PRKG1: variants seen among roughly 807,000 people sequenced by gnomAD.
PRKG1 encodes the protein cGMP-dependent protein kinase 1.
PRKG1 carries 35 observed loss-of-function variants against 88.1 expected under a neutral mutation model. The observed-to-expected ratio is 0.40, with a 90% CI of 0.30 to 0.53. The LOEUF is 0.53. Ranked by LOEUF, PRKG1 falls within the 20% of genes least tolerant of loss-of-function variation. The pLI is 0.59. For synonymous variants in PRKG1, 303 were observed against 292.5 expected (o/e 1.04, Z -0.37); for missense variants, 540 against 839.8 (o/e 0.64, Z 4.41).
At chr10:51,469,670 CTT>C (rs1368477264) in intron 3 of PRKG1, among the ~76,000 whole-genome samples, 1 of 151,828 alleles carries the variant, frequency 6.6e-6, no homozygotes, top group African/African-American at 2.4e-5. Flanking sequence ...AAGCCTAACT[CTT>C]TTGGGGTCAG....
chr10:51,337,770 G>A (rs546642825), intron 2 of PRKG1, among the ~76,000 whole-genome samples: 3 of 152,236 alleles, frequency 2.0e-5, no homozygotes, highest in African/African-American at 4.8e-5. Context: ...GTGAGGTTGC[G>A]GAGAAATAGG....
At chr10:51,227,188 A>ATG (rs1347466844) in intron 2 of PRKG1, among the ~76,000 whole-genome samples, 8 of 150,774 alleles carry the variant, frequency 5.3e-5, no homozygotes, top group African/African-American at 1.9e-4. Context: ...ATATATATAT[A>ATG]TGTGTCTATA....
intron 3 of PRKG1, among the ~76,000 whole-genome samples, chr10:51,615,606 C>T (rs887069500): frequency 3.6e-5 from 5 of 138,110 alleles, no homozygotes; most frequent in African/African-American, 1.1e-4. Flanking sequence ...ATTTTTGAAA[C>T]TTTCAATCTA....
chr10:51,932,437 C>T (rs1046466763), intron 5 of PRKG1, among the ~76,000 whole-genome samples: 2 of 152,108 alleles, frequency 1.3e-5, no homozygotes, highest in African/African-American at 2.4e-5. Flanking sequence ...CTTTGGACAA[C>T]TCTATGAAGT....
At chr10:52,014,129 A>C (rs2133176597) in intron 5 of PRKG1, among the ~76,000 whole-genome samples, 1 of 152,306 alleles carries the variant, frequency 6.6e-6, no homozygotes, top group African/African-American at 2.4e-5. Flanking sequence ...AGTTTCAAGA[A>C]GAAGAGGTAT....
chr10:52,044,723 T>A (rs1021044709), intron 5 of PRKG1, among the ~76,000 whole-genome samples: 7 of 152,188 alleles, frequency 4.6e-5, no homozygotes, highest in African/African-American at 1.4e-4. Context: ...TTCCATTTTT[T>A]TAAAATGCTG....
intron 3 of PRKG1, among the ~76,000 whole-genome samples, chr10:51,603,849 A>G (rs1838681919): frequency 6.6e-6 from 1 of 152,142 alleles, no homozygotes; most frequent in Admixed American, 6.5e-5. Context: ...GGAGGAGGTG[A>G]CATGAAGTTT....
chr10:51,451,381 C>T lies in PRKG1; in HGVS notation c.479-16342C>T, dbSNP rs554390144. On this transcript the variant is annotated intron_variant, in intron 2 of 17. Coordinates refer to ENST00000373980, the MANE Select transcript of PRKG1 (RefSeq NM_006258.4). ...TTCAACTAGAGGTTAGTAAAAATAA[C>T]GATGTATATATTATTTTTCTTATCC... is the stretch of plus-strand genomic sequence containing the variant. Among the ~76,000 whole-genome samples, 7 of 151,624 alleles carry T rather than the reference C, an allele frequency of 4.6e-5. No homozygotes were observed. In the South Asian group the frequency reaches 6.2e-4, roughly 14 times the overall value.
intron 9 of PRKG1, among the ~76,000 whole-genome samples, chr10:52,202,615 C>T (rs1002514392): frequency 6.6e-6 from 1 of 151,402 alleles, no homozygotes; most frequent in African/African-American, 2.4e-5. Context: ...GGTACCACTT[C>T]TTCTTTATAT....
intron 9 of PRKG1, among the ~76,000 whole-genome samples, chr10:52,171,146 GT>G (rs777572088): frequency 1.2e-4 from 9 of 78,088 alleles, no homozygotes; most frequent in African/African-American, 1.4e-4. Flanking sequence ...TTTTGGTTTT[GT>G]TTTTTTTTTT....
At chr10:51,092,722 G>A (rs1844428327) in intron 1 of PRKG1, among the ~76,000 whole-genome samples, 1 of 147,966 alleles carries the variant, frequency 6.8e-6, no homozygotes, top group Non-Finnish European at 1.5e-5. Context: ...CAGTGTGAGA[G>A]AATAAAGAAT....
chr10:51,301,116 A>G (rs1840872292), intron 2 of PRKG1, among the ~76,000 whole-genome samples: 1 of 152,218 alleles, frequency 6.6e-6, no homozygotes. Flanking sequence ...CATGTCTGAT[A>G]GAGTCCAGCA....
At chr10:51,171,275 C>T (rs887489528) in intron 2 of PRKG1, among the ~76,000 whole-genome samples, 2 of 152,032 alleles carry the variant, frequency 1.3e-5, no homozygotes, top group Admixed American at 1.3e-4. Context: ...CAGTAATAAT[C>T]GTGTGCTTAT....
chr10:51,448,184 G>T (rs888143318), intron 2 of PRKG1, among the ~76,000 whole-genome samples: 2 of 151,850 alleles, frequency 1.3e-5, no homozygotes, highest in Non-Finnish European at 2.9e-5. Flanking sequence ...GGAGGTTGAG[G>T]CTGCAGTGAA....
Position 51,217,244 on chromosome 10 carries a change from T to C in PRKG1, c.478+63914T>C, listed in dbSNP as rs1838396319. On this transcript the variant is annotated intron_variant, in intron 2 of 17. Transcript: ENST00000373980. ...ATAAAAATTACACCTGGAAATATTCTCTGAGTTTACATGAGAGAAGGGAAT... is the reference window on the plus strand; with the variant it reads ...ATAAAAATTACACCTGGAAATATTCCCTGAGTTTACATGAGAGAAGGGAAT... Among the ~76,000 whole-genome samples, 4 of 152,176 alleles carry C rather than the reference T, an allele frequency of 2.6e-5. No individual in the cohort carries two copies. In the South Asian group the frequency reaches 8.3e-4, roughly 31 times the overall value.
At chr10:51,853,820 A>G (rs1014555417) in intron 4 of PRKG1, among the ~76,000 whole-genome samples, 5 of 152,140 alleles carry the variant, frequency 3.3e-5, no homozygotes, top group Non-Finnish European at 4.4e-5. Context: ...ACTGTACTAA[A>G]CACTTTTCCA....
chr10:52,102,019 A>G (rs1847304723), intron 7 of PRKG1, among the ~76,000 whole-genome samples: 1 of 152,160 alleles, frequency 6.6e-6, no homozygotes, highest in African/African-American at 2.4e-5. Flanking sequence ...CTAAGCCTTC[A>G]GGTGAAGGGA....
chr10:51,769,009 G>T (rs762930099), intron 3 of PRKG1, among the ~76,000 whole-genome samples: 4 of 152,184 alleles, frequency 2.6e-5, no homozygotes, highest in Non-Finnish European at 5.9e-5. Flanking sequence ...TAGGACAAAG[G>T]ACCAGATCTG....
chr10:51,261,319 C>G (rs1839699129), intron 2 of PRKG1, among the ~76,000 whole-genome samples: 1 of 152,180 alleles, frequency 6.6e-6, no homozygotes, highest in South Asian at 2.1e-4. Flanking sequence ...AGCCTAAAAT[C>G]AAATATCTGT....
Sources: gnomAD v4.1 joint callset for allele counts (sites outside exome capture counted in the v4.1 genomes callset) on GRCh38, gnomAD v4.1.1 for gene constraint, MANE v1.5 for transcripts, NCBI Gene and HGNC (gene_info 2026-07-23, HGNC 2026-07-21) for gene names.